Variants in VSX2 observed in about 807,000 individuals in gnomAD.
VSX2 encodes ceh-10 homeo domain containing homolog.
In VSX2, 28 loss-of-function variants were observed where a neutral mutation model predicts 32.1. That is an observed-to-expected ratio of 0.87 (90% CI 0.65 to 1.20). The LOEUF is 1.20. Among genes scored for constraint, VSX2 ranks in the 50% most tolerant of loss-of-function variants. The pLI, the probability that VSX2 is intolerant of heterozygous loss-of-function variation, is 0.00. For synonymous variants in VSX2, 243 were observed against 214.1 expected, an observed-to-expected ratio of 1.14 and a Z score of -1.18; for missense variants, 506 against 488.7, an observed-to-expected ratio of 1.04 and a Z score of -0.33.
chr14:74,255,661 C>T (rs2079258299), intron 3 of VSX2, among the ~76,000 whole-genome samples: 1 of 152,170 alleles, frequency 6.6e-6, no homozygotes, highest in African/African-American at 2.4e-5. Flanking sequence ...AATGCTGTTT[C>T]CATCTGAGAA....
intron 3 of VSX2, among the ~76,000 whole-genome samples, chr14:74,251,403 T>C (rs550678915): frequency 1.6e-4 from 25 of 152,218 alleles, no homozygotes; most frequent in African/African-American, 5.8e-4. Flanking sequence ...TGAGCCGAGA[T>C]CGCGCCATTG....
At chr14:74,248,265 C>T (rs1211992817) in intron 3 of VSX2, among the ~76,000 whole-genome samples, 1 of 148,562 alleles carries the variant, frequency 6.7e-6, no homozygotes, top group Non-Finnish European at 1.5e-5. Flanking sequence ...GTGGCTCAGG[C>T]CTGTAATCCT....
At chr14:74,250,052 G>C (rs1317700934) in intron 3 of VSX2, among the ~76,000 whole-genome samples, 1 of 152,062 alleles carries the variant, frequency 6.6e-6, no homozygotes, top group Non-Finnish European at 1.5e-5. Context: ...ACCAGCCTGG[G>C]AAACATGGCA....
chr14:74,243,003 C>T (rs990102054), intron 2 of VSX2, among the ~76,000 whole-genome samples: 9 of 152,104 alleles, frequency 5.9e-5, no homozygotes, highest in Admixed American at 6.6e-5. Flanking sequence ...CACCAACACT[C>T]GGGTATTAAC....
intron 2 of VSX2, among the ~76,000 whole-genome samples, chr14:74,242,952 T>C (rs2079160550): frequency 6.6e-6 from 1 of 152,122 alleles, no homozygotes; most frequent in Non-Finnish European, 1.5e-5. Context: ...GGAACACCTT[T>C]GGGGGTTTTG....
rs947957586 is a variant in VSX2 at position 74,241,103 on chromosome 14, G to A, written c.371-79G>A. 13 of 1,488,942 alleles carry A rather than the reference G, an allele frequency of 8.7e-6. No homozygotes were observed. The East Asian group carries it at 2.0e-4, about 23-fold the overall frequency. 92.2% of individuals were successfully genotyped at this position (1,488,942 alleles called of 1,614,324 possible). On this transcript the variant is annotated intron_variant, in intron 1 of 4. Transcript: ENST00000261980. The stretch of plus-strand genomic sequence containing the variant: ...TCCCCGCCGCTCGCGGAGGCAGCCC[G>A]GGGTGGGGCCCTCGCGGGTTTCGGG...
At chr14:74,253,363 C>T (rs2079241971) in intron 3 of VSX2, among the ~76,000 whole-genome samples, 1 of 152,150 alleles carries the variant, frequency 6.6e-6, no homozygotes, top group South Asian at 2.1e-4. Context: ...TCAGAACCAA[C>T]AGTCCACCTA....
At chr14:74,243,887 A>G (rs2079167569) in intron 2 of VSX2, among the ~76,000 whole-genome samples, 3 of 151,982 alleles carry the variant, frequency 2.0e-5, no homozygotes, top group African/African-American at 4.8e-5. Flanking sequence ...GCCCAGCAAT[A>G]AGGGATTCTA....
In VSX2 at chr14:74,241,407, T is replaced by C. The variant is rs1007596658; in HGVS notation, c.455+141T>C. On this transcript the variant is annotated intron_variant, in intron 2 of 4. Coordinates refer to ENST00000261980, the MANE Select transcript of VSX2 (RefSeq NM_182894.3). ...CCGTGCCAGGGCGCAGACCACGGGT[T>C]GTTTGGCGGAATCTGCCCGGGGGCC... is the stretch of plus-strand genomic sequence containing the variant. The C allele has an allele frequency of 8.4e-6, 8 of 957,684 alleles. No homozygotes were observed. The African/African-American group carries it at 1.1e-4, about 14-fold the overall frequency. The allele number at this position is 957,684 out of a possible 1,614,324, so 59.3% of individuals were successfully genotyped here.
Position 74,239,508 on chromosome 14 carries a change from G to A in VSX2, c.-54G>A, listed in dbSNP as rs565838448. 15 of 1,548,936 alleles carry A rather than the reference G, an allele frequency of 9.7e-6. No individual in the cohort carries two copies. In the Admixed American group the frequency reaches 1.2e-4, roughly 12 times the overall value. On this transcript the variant is annotated 5_prime_UTR_variant, in exon 1 of 5. Transcript: ENST00000261980. ...CTTCGCGAAGCGGGAAGCCCGGCGGGGGGGTGGGGGGAGCTAAAGACCTGC... is the reference window on the plus strand; with the variant it reads ...CTTCGCGAAGCGGGAAGCCCGGCGGAGGGGTGGGGGGAGCTAAAGACCTGC...
chr14:74,259,981 A>G (rs1489603073), intron 4 of VSX2, among the ~76,000 whole-genome samples, 199 bp downstream of exon 4: 1 of 152,178 alleles, frequency 6.6e-6, no homozygotes, highest in East Asian at 1.9e-4. Context: ...TGTCACTTGC[A>G]CTGGGTGCCA....
At chr14:74,249,378 C>A (rs1477604708) in intron 3 of VSX2, among the ~76,000 whole-genome samples, 1 of 152,070 alleles carries the variant, frequency 6.6e-6, no homozygotes, top group East Asian at 1.9e-4. Context: ...TTAAGCAATT[C>A]TCCTGCCTCA....
chr14:74,260,048 G>A (rs2079294498), intron 4 of VSX2, among the ~76,000 whole-genome samples: 1 of 152,200 alleles, frequency 6.6e-6, no homozygotes, highest in Non-Finnish European at 1.5e-5. Context: ...TGTGAGAACA[G>A]TGTGGCTGTT....
At chr14:74,253,961 G>A (rs1278426987) in intron 3 of VSX2, among the ~76,000 whole-genome samples, 1 of 152,042 alleles carries the variant, frequency 6.6e-6, no homozygotes, top group Non-Finnish European at 1.5e-5. Context: ...AAAAGAAAAA[G>A]AAATGCACTC....
intron 3 of VSX2, among the ~76,000 whole-genome samples, chr14:74,251,680 A>C (rs576470650): frequency 1.3e-5 from 2 of 152,198 alleles, no homozygotes; most frequent in Non-Finnish European, 2.9e-5. Flanking sequence ...GTGCTCAGGC[A>C]AGAGGCTGTC....
chr14:74,243,133 C>T (rs2079162015), intron 2 of VSX2, among the ~76,000 whole-genome samples: 1 of 152,148 alleles, frequency 6.6e-6, no homozygotes, highest in African/African-American at 2.4e-5. Context: ...GAGCTTCTGT[C>T]ATTTGGGGAT....
At chr14:74,257,086 C>T (rs118169229) in intron 3 of VSX2, among the ~76,000 whole-genome samples, 2,612 of 152,220 alleles carry the variant, frequency 0.017, 82 homozygotes, top group Admixed American at 0.086. Flanking sequence ...GATTGAGGCC[C>T]CAGACAAACC....
At chr14:74,252,398 T>C (rs2079235354) in intron 3 of VSX2, among the ~76,000 whole-genome samples, 1 of 151,428 alleles carries the variant, frequency 6.6e-6, no homozygotes, top group East Asian at 1.9e-4. Context: ...TTCTTTCTTT[T>C]TTTTTTTTTT....
intron 1 of VSX2, 125 bp downstream of exon 1, chr14:74,240,056 C>T: frequency 2.3e-6 from 3 of 1,315,342 alleles, no homozygotes; most frequent in Non-Finnish European, 3.1e-6. Context: ...CGGGGGTCGC[C>T]GCCTGGGCCT....
Sources: allele counts gnomAD v4.1 joint callset (sites outside exome capture counted in the v4.1 genomes callset), GRCh38; gene constraint gnomAD v4.1.1; transcripts MANE v1.5; gene names NCBI Gene and HGNC (gene_info 2026-07-23, HGNC 2026-07-21).